Variants in RAB3C observed in about 807,000 individuals in gnomAD.
RAB3C encodes RAB3C, member RAS oncogene family.
A neutral mutation model predicts 26.4 loss-of-function variants in RAB3C; 17 were observed. The ratio of observed to expected loss-of-function variants is 0.64; its 90% CI spans 0.44 to 0.97. RAB3C has a LOEUF of 0.97. RAB3C is among the 50% of genes least tolerant of loss of function. The pLI, the probability that RAB3C is intolerant of heterozygous loss-of-function variation, is 0.00. For synonymous variants in RAB3C, 91 were observed against 95.9 expected (o/e 0.95, Z 0.30); for missense variants, 242 against 281.9 (o/e 0.86, Z 1.01).
chr5:58,687,923 T>A (rs917016712), intron 2 of RAB3C, among the ~76,000 whole-genome samples: 3 of 152,060 alleles, frequency 2.0e-5, no homozygotes, highest in Non-Finnish European at 2.9e-5. Flanking sequence ...TTGCTAAAAT[T>A]TTATTTGGTT....
chr5:58,714,207 G>A (rs779483339), intron 2 of RAB3C, among the ~76,000 whole-genome samples: 2 of 152,206 alleles, frequency 1.3e-5, no homozygotes, highest in Middle Eastern at 6.8e-3. Context: ...AGTATGGATG[G>A]TGATGGAAGT....
chr5:58,626,248 A>G (rs1273838010), intron 2 of RAB3C, among the ~76,000 whole-genome samples: 2 of 152,146 alleles, frequency 1.3e-5, no homozygotes, highest in East Asian at 3.8e-4. Context: ...TTGTTAGCCA[A>G]GTTGAGAGGA....
chr5:58,582,740 A>G (rs1391766407), upstream of RAB3C, among the ~76,000 whole-genome samples: 2 of 152,138 alleles, frequency 1.3e-5, no homozygotes, highest in East Asian at 3.9e-4. Flanking sequence ...TTGTTTCCTA[A>G]TCAGAAAATC....
intron 3 of RAB3C, among the ~76,000 whole-genome samples, chr5:58,730,121 A>G (rs1352849369): frequency 4.0e-5 from 6 of 151,564 alleles, no homozygotes; most frequent in African/African-American, 1.5e-4. Flanking sequence ...GGCACCAATT[A>G]TATTTATCTT....
chr5:58,792,295 G>T (rs1240620447), intron 3 of RAB3C, among the ~76,000 whole-genome samples: 1 of 152,192 alleles, frequency 6.6e-6, no homozygotes, highest in Non-Finnish European at 1.5e-5. Flanking sequence ...TAAGGAAAAG[G>T]TGAAGGGAGC....
chr5:58,836,648 T>C (rs1743753943), intron 4 of RAB3C, among the ~76,000 whole-genome samples: 1 of 142,374 alleles, frequency 7.0e-6, no homozygotes, highest in South Asian at 2.4e-4. Flanking sequence ...TAACTTTCTG[T>C]TCCTGGCTTT....
intron 1 of RAB3C, among the ~76,000 whole-genome samples, chr5:58,608,680 A>G (rs1036802588): frequency 2.6e-5 from 4 of 152,220 alleles, no homozygotes; most frequent in Non-Finnish European, 4.4e-5. Context: ...CAGAGATCCC[A>G]TTACTGGGTA....
intron 1 of RAB3C, among the ~76,000 whole-genome samples, chr5:58,596,872 TA>T (rs1746289182): frequency 1.5e-5 from 1 of 68,350 alleles, no homozygotes; most frequent in South Asian, 4.1e-4. Context: ...ATATTATATT[TA>T]ATATATAATA....
rs1742513968 is a variant in RAB3C, at chr5:58,791,085, TGAA to T, written c.372-33945_372-33943del. 2.6e-5 allele frequency among the ~76,000 whole-genome samples: 4 copies of T among 151,838 alleles called. No individual in the cohort carries two copies. In the South Asian group the frequency reaches 8.3e-4, roughly 32 times the overall value. On this transcript the variant is annotated intron_variant, in intron 3 of 4. Coordinates refer to ENST00000282878, the MANE Select transcript of RAB3C (RefSeq NM_138453.4). The stretch of plus-strand genomic sequence containing the variant: ...TTGACATTAAAAAAAAAAACATATA[TGAA>T]GAAGAAGCTTACTCTCAGTCAAGCC...
chr5:58,747,033 C>T (rs1346638090), intron 3 of RAB3C, among the ~76,000 whole-genome samples: 3 of 152,196 alleles, frequency 2.0e-5, no homozygotes, highest in African/African-American at 7.2e-5. Context: ...TAAGTTCTCT[C>T]ATTCCTCTCA....
In RAB3C at chr5:58,852,884, G is replaced by C. The variant is rs202244376; in HGVS notation, c.*1533G>C. The C allele has an allele frequency of 1.1e-4, 1 of 8,716 alleles. No individual in the cohort carries two copies. The highest frequency in any genetic ancestry group is 7.3e-4 in the East Asian group (1 of 1,372). 0.5% of individuals were successfully genotyped at this position (8,716 alleles called of 1,614,324 possible). ...TTTTTTTCCTCTTCTCAAAAATAGA[G>C]AGGCTTCCCATGAAAGTATTGGATG... On this transcript the variant is annotated 3_prime_UTR_variant, in exon 5 of 5. Transcript: ENST00000282878.
chr5:58,614,386 T>G (rs1239740499), intron 1 of RAB3C, among the ~76,000 whole-genome samples: 1 of 152,088 alleles, frequency 6.6e-6, no homozygotes, highest in Non-Finnish European at 1.5e-5. Flanking sequence ...ATTTCATTAT[T>G]CTGAAGTTAT....
At chr5:58,795,615 G>A (rs1427756148) in intron 3 of RAB3C, among the ~76,000 whole-genome samples, 2 of 111,510 alleles carry the variant, frequency 1.8e-5, no homozygotes, top group African/African-American at 5.4e-5. Flanking sequence ...TTGACAGAGT[G>A]GGAGCTGACA....
At chr5:58,679,537 C>G (rs187550907) in intron 2 of RAB3C, among the ~76,000 whole-genome samples, 2 of 152,184 alleles carry the variant, frequency 1.3e-5, no homozygotes, top group Admixed American at 6.5e-5. Context: ...GGGCCTTCAC[C>G]TTATGGTTTT....
intron 2 of RAB3C, among the ~76,000 whole-genome samples, chr5:58,633,529 G>A (rs900571258): frequency 2.6e-5 from 4 of 152,140 alleles, no homozygotes; most frequent in Non-Finnish European, 4.4e-5. Context: ...TTCTCTCCAG[G>A]TAGAGAAGAG....
chr5:58,609,276 T>A (rs1746641420), intron 1 of RAB3C, among the ~76,000 whole-genome samples: 3 of 152,144 alleles, frequency 2.0e-5, no homozygotes, highest in Non-Finnish European at 4.4e-5. Flanking sequence ...GGTGCCAGTC[T>A]TGGGGAGCCC....
At chr5:58,582,853 C>G (rs1013103946), upstream of RAB3C, among the ~76,000 whole-genome samples, 3 of 152,198 alleles carry the variant, frequency 2.0e-5, no homozygotes, top group Non-Finnish European at 4.4e-5. Flanking sequence ...GCAGGGGAGA[C>G]TGGGAGAGGT....
intron 2 of RAB3C, among the ~76,000 whole-genome samples, chr5:58,683,840 G>A (rs552473852): frequency 5.9e-5 from 9 of 152,136 alleles, no homozygotes; most frequent in African/African-American, 1.2e-4. Flanking sequence ...TCCCAATATC[G>A]CAGTGCTTGC....
At chr5:58,732,104 T>G (rs987825089) in intron 3 of RAB3C, among the ~76,000 whole-genome samples, 82 of 151,304 alleles carry the variant, frequency 5.4e-4, no homozygotes, top group African/African-American at 1.8e-3. Flanking sequence ...GTTTTGTTTT[T>G]TTTTTTTAAA....
Sources: allele counts gnomAD v4.1 joint callset (sites outside exome capture counted in the v4.1 genomes callset), GRCh38; gene constraint gnomAD v4.1.1; transcripts MANE v1.5; gene names NCBI Gene and HGNC (gene_info 2026-07-23, HGNC 2026-07-21).